BCAS1: variants seen among roughly 807,000 people sequenced by gnomAD.
The protein encoded by BCAS1 is breast carcinoma-amplified sequence 1.
Under a neutral mutation model 65.4 loss-of-function variants are expected in BCAS1, and 46 were observed. The observed-to-expected ratio is 0.70, with a 90% confidence interval of 0.55 to 0.90. The LOEUF is 0.90. Among genes scored for constraint, BCAS1 ranks in the 40% least tolerant of loss-of-function variants. The pLI is 0.00. For missense variants in BCAS1, 793 were observed against 771.2 expected, an observed-to-expected ratio of 1.03 and a Z score of -0.33; for synonymous variants, 298 against 293.5, an observed-to-expected ratio of 1.02 and a Z score of -0.16.
intron 3 of BCAS1, among the ~76,000 whole-genome samples, chr20:54,045,556 T>C (rs1457260215): frequency 6.6e-6 from 1 of 152,218 alleles, no homozygotes; most frequent in Non-Finnish European, 1.5e-5. Context: ...ATAAATGAGC[T>C]AAACCTTGCT....
At chr20:54,033,532 T>C (rs972541459) in intron 3 of BCAS1, among the ~76,000 whole-genome samples, 1 of 151,152 alleles carries the variant, frequency 6.6e-6, no homozygotes, top group African/African-American at 2.4e-5. Context: ...TCTATGCACA[T>C]AAACTAGAAA....
chr20:54,038,543 T>G (rs2091937009), intron 3 of BCAS1, among the ~76,000 whole-genome samples: 1 of 151,272 alleles, frequency 6.6e-6, no homozygotes, highest in Non-Finnish European at 1.5e-5. Flanking sequence ...TGATTGTAAC[T>G]GTAGTAGGGC....
rs1487220978 is a variant in BCAS1 at position 53,960,492 on chromosome 20, AAAAAGAG to A, written c.1486-3002_1486-2996del. On this transcript the variant is annotated intron_variant, in intron 10 of 12. Coordinates refer to ENST00000688948, the MANE Select transcript of BCAS1 (RefSeq NM_001366298.2). ...CTTAAAAAAAAAAAAAAAAAAAAAA[AAAAAGAG>A]AGAGAGAGTATCTCAAACTTTTCAG... 3.4e-3 allele frequency among the ~76,000 whole-genome samples: 416 copies of A among 120,642 alleles called. 10 individuals are homozygous for A. The highest frequency in any genetic ancestry group is 4.6e-3 in the Non-Finnish European group (292 of 62,988). 79.1% of individuals were successfully genotyped at this position (120,642 alleles called of 152,430 possible).
intron 7 of BCAS1, among the ~76,000 whole-genome samples, chr20:53,987,828 A>G (rs2090652889): frequency 6.6e-6 from 1 of 152,182 alleles, no homozygotes; most frequent in South Asian, 2.1e-4. Context: ...GGGTGACTGA[A>G]AATTAACCAG....
intron 3 of BCAS1, among the ~76,000 whole-genome samples, chr20:54,044,555 C>T (rs536511223): frequency 3.9e-4 from 60 of 152,186 alleles, no homozygotes; most frequent in Admixed American, 3.7e-3. Context: ...AGAAATTTTC[C>T]GGCCGGGCGC....
intron 4 of BCAS1, among the ~76,000 whole-genome samples, chr20:54,003,979 T>C (rs1168310673): frequency 1.3e-5 from 2 of 152,226 alleles, no homozygotes; most frequent in Non-Finnish European, 1.5e-5. Context: ...AGTGTTGATA[T>C]ACGTATGAGG....
At chr20:54,038,764 C>T (rs1235067401) in intron 3 of BCAS1, among the ~76,000 whole-genome samples, 4 of 151,282 alleles carry the variant, frequency 2.6e-5, no homozygotes, top group East Asian at 1.9e-4. Flanking sequence ...CAAGCAACAC[C>T]GTCCTATGCA....
intron 4 of BCAS1, among the ~76,000 whole-genome samples, chr20:54,027,440 C>T (rs569121078): frequency 2.3e-4 from 35 of 152,324 alleles, no homozygotes; most frequent in African/African-American, 8.4e-4. Context: ...ATTATTAGCA[C>T]TTCGGAAGTG....
At position 53,967,018 on chromosome 20, in the gene BCAS1, A is replaced by G; in HGVS notation, c.1373T>C (p.Leu458Ser). Residue 458 changes from leucine to serine, a missense_variant, in exon 10 of 13, where the codon TTA becomes TCA. Transcript: ENST00000688948. The part of the protein sequence containing the change: ...IIKSKEVESA[L>S]QTVDLNEGDA... ...TCCTTCGTTGAGGTCCACTGTTTGT[A>G]AGGCTGATTCTACTTCCTTGGACTT... The G allele has an allele frequency of 6.2e-7, 1 of 1,613,118 alleles. No individual in the cohort carries two copies. Among genetic ancestry groups the G allele is most frequent in the Non-Finnish European group, 8.5e-7 (1 of 1,179,578 alleles).
intron 4 of BCAS1, among the ~76,000 whole-genome samples, chr20:54,009,943 T>C (rs1011432202): frequency 2.0e-5 from 3 of 152,200 alleles, no homozygotes; most frequent in Non-Finnish European, 4.4e-5. Context: ...CAATTGATGT[T>C]ATCCACAATA....
chr20:53,975,298 G>T, intron 9 of BCAS1, 91 bp downstream of exon 9: 1 of 1,154,472 alleles, frequency 8.7e-7, no homozygotes, highest in Non-Finnish European at 1.3e-6. Flanking sequence ...CAGCATGCAA[G>T]AACACAGGAC....
chr20:54,068,071 C>T (rs1229670116), intron 1 of BCAS1, among the ~76,000 whole-genome samples: 3 of 152,212 alleles, frequency 2.0e-5, no homozygotes, highest in Non-Finnish European at 2.9e-5. Flanking sequence ...AGGTACAGTG[C>T]TACAGGTTGC....
intron 7 of BCAS1, among the ~76,000 whole-genome samples, chr20:53,987,705 G>A (rs1270315985): frequency 2.0e-5 from 3 of 152,072 alleles, no homozygotes; most frequent in Admixed American, 6.6e-5. Context: ...GTGGGGAGGC[G>A]ATTTGAGGCT....
intron 3 of BCAS1, among the ~76,000 whole-genome samples, chr20:54,056,869 C>T (rs577462450): frequency 6.6e-5 from 10 of 152,288 alleles, no homozygotes; most frequent in African/African-American, 2.4e-4. Context: ...TATTATCAGT[C>T]AGGCACTGTA....
intron 4 of BCAS1, 70 bp downstream of exon 4, chr20:54,028,322 A>T: frequency 6.6e-7 from 1 of 1,520,266 alleles, no homozygotes; most frequent in Non-Finnish European, 9.1e-7. Flanking sequence ...GCATATGTGC[A>T]GTGGTCTTAT....
chr20:54,007,275 T>C (rs896093247), intron 4 of BCAS1, among the ~76,000 whole-genome samples: 9 of 152,222 alleles, frequency 5.9e-5, no homozygotes, highest in African/African-American at 2.2e-4. Flanking sequence ...GGGATATCTA[T>C]TGAACTTTCT....
At chr20:53,990,097 G>C (rs918961603) in intron 7 of BCAS1, among the ~76,000 whole-genome samples, 11 of 152,170 alleles carry the variant, frequency 7.2e-5, no homozygotes, top group Admixed American at 3.9e-4. Flanking sequence ...GGAGATGTTA[G>C]TAAGATGTAA....
At chr20:54,036,542 TC>T (rs777955509) in intron 3 of BCAS1, among the ~76,000 whole-genome samples, 1 of 151,374 alleles carries the variant, frequency 6.6e-6, no homozygotes, top group Non-Finnish European at 1.5e-5. Flanking sequence ...TCTTAACTGC[TC>T]ACTCTTTAAA....
intron 1 of BCAS1, among the ~76,000 whole-genome samples, chr20:54,068,657 C>A (rs887816283): frequency 6.6e-6 from 1 of 152,152 alleles, no homozygotes. Flanking sequence ...TGAGGGTAGG[C>A]ACCTTACTAG....
Sources: gnomAD v4.1 joint callset for allele counts (sites outside exome capture counted in the v4.1 genomes callset) on GRCh38, gnomAD v4.1.1 for gene constraint, MANE v1.5 for transcripts, NCBI Gene and HGNC (gene_info 2026-07-23, HGNC 2026-07-21) for gene names.